Variants in ADARB2 observed in about 807,000 individuals in gnomAD.
ADARB2 encodes adenosine deaminase RNA specific B2 (inactive), also known as inactive double-stranded RNA-specific editase B2.
ADARB2 carries 25 observed loss-of-function variants against 62.2 expected under a neutral mutation model. That is an observed-to-expected ratio of 0.40 (90% confidence interval 0.29 to 0.56). The LOEUF is 0.56. Ranked by LOEUF, ADARB2 falls within the 20% of genes least tolerant of loss-of-function variation. The pLI, the probability that ADARB2 is intolerant of heterozygous loss-of-function variation, is 0.43. For missense variants in ADARB2, 1,071 were observed against 1,077.4 expected (o/e 0.99, Z 0.08); for synonymous variants, 572 against 500.8 (o/e 1.14, Z -1.90).
chr10:1,359,108 T>C (rs1447421696), intron 3 of ADARB2, among the ~76,000 whole-genome samples: 2 of 152,228 alleles, frequency 1.3e-5, no homozygotes, highest in African/African-American at 2.4e-5. Context: ...CACATATTTA[T>C]ATCCTGACAC....
intron 1 of ADARB2, among the ~76,000 whole-genome samples, chr10:1,474,338 G>C (rs1404127913): frequency 2.0e-5 from 3 of 152,208 alleles, no homozygotes; most frequent in African/African-American, 7.2e-5. Context: ...ACCAGCTGCA[G>C]TTTGGGGATG....
At chr10:1,327,960 C>CAGCTCAGCGGCTCCTCA (rs1255862930) in intron 3 of ADARB2, among the ~76,000 whole-genome samples, 1 of 144,444 alleles carries the variant, frequency 6.9e-6, no homozygotes, top group Non-Finnish European at 1.5e-5. Context: ...CAGTGTCTCA[C>CAGCTCAGCGGCTCCTCA]CAGTACTCAG....
chr10:1,439,043 T>C (rs1156531415), intron 1 of ADARB2, among the ~76,000 whole-genome samples: 1 of 89,064 alleles, frequency 1.1e-5, no homozygotes, highest in African/African-American at 4.6e-5. Context: ...CCTGAGTCTC[T>C]GCCAGGATGG....
In ADARB2 at chr10:1,573,972, C is replaced by A. The variant is rs150996903; in HGVS notation, c.100+163079G>T. 7.3e-3 allele frequency among the ~76,000 whole-genome samples: 1,108 copies of A among 152,296 alleles called. 13 individuals carry two copies. Among genetic ancestry groups the A allele is most frequent in the African/African-American group, 0.025 (1,054 of 41,554 alleles). ...AACTACATCTCTTAACCTTTTGGGGCCTTTGTTTCTTACATTAAAACAATG... is the reference window on the plus strand; with the variant it reads ...AACTACATCTCTTAACCTTTTGGGGACTTTGTTTCTTACATTAAAACAATG... On this transcript the variant is annotated intron_variant, in intron 1 of 9. Coordinates refer to ENST00000381312, the MANE Select transcript of ADARB2 (RefSeq NM_018702.4).
At chr10:1,547,083 GGACCTGAAGATAAGATAC>G (rs1221647946) in intron 1 of ADARB2, among the ~76,000 whole-genome samples, 1 of 152,254 alleles carries the variant, frequency 6.6e-6, no homozygotes, top group Non-Finnish European at 1.5e-5. Flanking sequence ...CACAGACACA[GGACCTGAAGATAAGATAC>G]TGTGGCCTGT....
At chr10:1,613,667 C>A (rs1402664918) in intron 1 of ADARB2, among the ~76,000 whole-genome samples, 2 of 152,220 alleles carry the variant, frequency 1.3e-5, no homozygotes, top group African/African-American at 2.4e-5. Flanking sequence ...TGGAAGTTAT[C>A]TTTTGGTAGA....
At chr10:1,667,540 C>A (rs1465080589) in intron 1 of ADARB2, among the ~76,000 whole-genome samples, 4 of 152,166 alleles carry the variant, frequency 2.6e-5, no homozygotes, top group African/African-American at 9.7e-5. Flanking sequence ...GTGGACTAGG[C>A]AATTTTTCCA....
chr10:1,481,661 A>G (rs896928450), intron 1 of ADARB2, among the ~76,000 whole-genome samples: 3 of 152,056 alleles, frequency 2.0e-5, no homozygotes, highest in Admixed American at 6.5e-5. Context: ...GTTCAAGACC[A>G]GCCTGGCCAA....
intron 1 of ADARB2, among the ~76,000 whole-genome samples, chr10:1,711,935 A>T (rs1307449685): frequency 6.6e-6 from 1 of 152,228 alleles, no homozygotes; most frequent in South Asian, 2.1e-4. Context: ...AAGCATCCTG[A>T]TAAGAAATTA....
At chr10:1,357,420 T>C (rs1832206721) in intron 3 of ADARB2, among the ~76,000 whole-genome samples, 1 of 152,180 alleles carries the variant, frequency 6.6e-6, no homozygotes, top group South Asian at 2.1e-4. Context: ...GGGACCCTCC[T>C]GTCCCTGGCA....
chr10:1,688,707 A>G (rs1382930064), intron 1 of ADARB2, among the ~76,000 whole-genome samples: 1 of 152,178 alleles, frequency 6.6e-6, no homozygotes, highest in African/African-American at 2.4e-5. Flanking sequence ...TTAAACGTAA[A>G]GGGAACTCCT....
chr10:1,712,710 G>A (rs1181107466), intron 1 of ADARB2, among the ~76,000 whole-genome samples: 24 of 139,644 alleles, frequency 1.7e-4, no homozygotes, highest in African/African-American at 6.3e-4. Context: ...CCGGGTTCAC[G>A]CCATTCTCCT....
chr10:1,588,220 C>T (rs1833204969), intron 1 of ADARB2, among the ~76,000 whole-genome samples: 1 of 152,120 alleles, frequency 6.6e-6, no homozygotes, highest in South Asian at 2.1e-4. Context: ...CCAGTTGCTG[C>T]CCTGAAACAC....
chr10:1,709,090 T>A (rs1371424820), intron 1 of ADARB2, among the ~76,000 whole-genome samples: 1 of 152,212 alleles, frequency 6.6e-6, no homozygotes, highest in East Asian at 1.9e-4. Flanking sequence ...TAAGAATGAC[T>A]GTTTCATAGG....
chr10:1,689,410 AC>A (rs1834640132), intron 1 of ADARB2, among the ~76,000 whole-genome samples: 2 of 152,130 alleles, frequency 1.3e-5, no homozygotes, highest in African/African-American at 4.8e-5. Flanking sequence ...TGCCAACCTG[AC>A]TTGTTTTCCC....
At chr10:1,187,666 C>G (rs1836779169) in intron 8 of ADARB2, among the ~76,000 whole-genome samples, 1 of 152,244 alleles carries the variant, frequency 6.6e-6, no homozygotes, top group South Asian at 2.1e-4. Flanking sequence ...ACGCTCCTGG[C>G]TGCCAGGCAT....
At chr10:1,730,025 C>T (rs910649471) in intron 1 of ADARB2, among the ~76,000 whole-genome samples, 1 of 152,208 alleles carries the variant, frequency 6.6e-6, no homozygotes. Flanking sequence ...TAAAGGAATT[C>T]TTTCCATTAT....
intron 1 of ADARB2, among the ~76,000 whole-genome samples, chr10:1,697,990 A>G (rs1392540796): frequency 6.6e-6 from 1 of 152,228 alleles, no homozygotes; most frequent in East Asian, 1.9e-4. Context: ...AACATTAAAC[A>G]ATAATACGCG....
chr10:1,198,901 A>AG (rs1161833311), intron 8 of ADARB2, among the ~76,000 whole-genome samples: 1 of 152,178 alleles, frequency 6.6e-6, no homozygotes, highest in Non-Finnish European at 1.5e-5. Flanking sequence ...TGGCTTGGGG[A>AG]GGGCGTGGTT....
Sources: gnomAD v4.1 joint callset for allele counts (sites outside exome capture counted in the v4.1 genomes callset) on GRCh38, gnomAD v4.1.1 for gene constraint, MANE v1.5 for transcripts, NCBI Gene and HGNC (gene_info 2026-07-23, HGNC 2026-07-21) for gene names.